Variants in DMD observed in about 807,000 individuals in gnomAD.
DMD encodes the protein mutant dystrophin.
Under a neutral mutation model 330.1 loss-of-function variants are expected in DMD, and 63 were observed. The ratio of observed to expected loss-of-function variants is 0.19; its 90% CI spans 0.16 to 0.24. The LOEUF (loss-of-function observed/expected upper bound fraction) is 0.24. Ranked by LOEUF, DMD falls within the 10% of genes least tolerant of loss-of-function variation. The probability of loss-of-function intolerance (pLI) is 1.00; values close to 1 mark genes in which losing one functional copy is unlikely to be tolerated. For synonymous variants in DMD, 1,223 were observed against 959.8 expected (o/e 1.27, Z -5.07); for missense variants, 3,344 against 2,684.1 (o/e 1.25, Z -5.43).
chrX:32,526,847 G>C (rs2148855939), intron 17 of DMD, among the ~76,000 whole-genome samples: 1 of 112,008 alleles, frequency 8.9e-6, no homozygotes, highest in Non-Finnish European at 1.9e-5. Context: ...GATGGGCACT[G>C]TGTTCTGTTA....
intron 42 of DMD, among the ~76,000 whole-genome samples, chrX:32,302,343 T>C (rs1040480564): frequency 9.0e-6 from 1 of 111,237 alleles, no homozygotes; most frequent in Non-Finnish European, 1.9e-5. Flanking sequence ...ATTGAATGCA[T>C]TTCCGCATAC....
At chrX:32,424,360 C>T (rs2098202853) in intron 29 of DMD, among the ~76,000 whole-genome samples, 1 of 111,217 alleles carries the variant, frequency 9.0e-6, no homozygotes, top group Non-Finnish European at 1.9e-5. Context: ...ATTATTAACA[C>T]ACTAAGAATA....
intron 55 of DMD, among the ~76,000 whole-genome samples, chrX:31,583,112 C>G (rs1272191387): frequency 8.9e-6 from 1 of 112,405 alleles, no homozygotes; most frequent in Non-Finnish European, 1.9e-5. Flanking sequence ...TCAGTACACC[C>G]TACCTGTGCT....
chrX:32,618,365 C>T (rs1015640779), intron 11 of DMD, among the ~76,000 whole-genome samples: 12 of 111,433 alleles, frequency 1.1e-4, no homozygotes, highest in East Asian at 2.8e-4. Flanking sequence ...TTTGCAGAAA[C>T]GTAGATGAAG....
intron 1 of DMD, among the ~76,000 whole-genome samples, chrX:33,178,501 T>C (rs747991808): frequency 8.9e-6 from 1 of 112,349 alleles, no homozygotes; most frequent in African/African-American, 3.2e-5. Context: ...TCCTACCTGA[T>C]GCACTCATTT....
chrX:32,093,257 CT>C (rs1266920893), intron 44 of DMD, among the ~76,000 whole-genome samples: 2 of 112,050 alleles, frequency 1.8e-5, no homozygotes, highest in East Asian at 5.6e-4. Context: ...AATTCATCCA[CT>C]GATGGACGTT....
intron 7 of DMD, among the ~76,000 whole-genome samples, chrX:32,744,150 T>G (rs1292535436): frequency 9.0e-6 from 1 of 110,599 alleles, no homozygotes; most frequent in African/African-American, 3.3e-5. Context: ...TATTTCTGAA[T>G]CATTTCTGCA....
At chrX:32,732,770 C>A (rs746250517) in intron 7 of DMD, among the ~76,000 whole-genome samples, 1 of 110,171 alleles carries the variant, frequency 9.1e-6, no homozygotes, top group Non-Finnish European at 1.9e-5. Context: ...AAGCGCTAAA[C>A]ATGGAAAGGA....
At chrX:32,463,293 A>C in intron 25 of DMD, 146 bp downstream of exon 25, 1 of 444,404 alleles carries the variant, frequency 2.3e-6, no homozygotes, top group Non-Finnish European at 3.6e-6. Flanking sequence ...ATATGCTAGA[A>C]AAAAGATTAA....
At chrX:32,252,765 T>TATATAAATATATATAA (rs1557243501) in intron 43 of DMD, among the ~76,000 whole-genome samples, 1 of 38,845 alleles carries the variant, frequency 2.6e-5, no homozygotes, top group African/African-American at 1.9e-4. Context: ...AATATATAAA[T>TATATAAATATATATAA]ATATATAAAT....
intron 1 of DMD, among the ~76,000 whole-genome samples, chrX:33,163,065 G>A (rs1448977701): frequency 1.8e-5 from 2 of 111,463 alleles, no homozygotes; most frequent in East Asian, 5.6e-4. Context: ...CTGCTATCCT[G>A]CCATGGCTTC....
At chrX:33,163,499 G>T (rs1287577293) in intron 1 of DMD, among the ~76,000 whole-genome samples, 3 of 107,405 alleles carry the variant, frequency 2.8e-5, no homozygotes, top group Admixed American at 1.0e-4. Flanking sequence ...TCGTGCCACG[G>T]CACTCCAGCC....
At chrX:32,206,073 G>C (rs1444689278) in intron 44 of DMD, 3 of 516,285 alleles carry the variant, frequency 5.8e-6, no homozygotes, top group African/African-American at 4.6e-5. Context: ...TGTTGAAGCA[G>C]AGGCAATGAG....
intron 1 of DMD, among the ~76,000 whole-genome samples, chrX:33,319,210 G>A (rs1036529328): frequency 9.0e-5 from 10 of 110,804 alleles, no homozygotes; most frequent in Admixed American, 3.9e-4. Flanking sequence ...TTGTTTCTAC[G>A]CCACCCAGTT....
chrX:31,832,053 T>C (rs1266736183), intron 49 of DMD, among the ~76,000 whole-genome samples: 2 of 112,657 alleles, frequency 1.8e-5, no homozygotes, highest in Admixed American at 1.9e-4. Context: ...AATGAGTCAG[T>C]CAAAATAGAC....
Position 33,321,392 on chromosome X carries a change from T to A in DMD, c.7+17867A>T, listed in dbSNP as rs77393779. 5.9e-3 allele frequency among the ~76,000 whole-genome samples: 653 copies of A among 110,314 alleles called. 2 individuals carry two copies. Among genetic ancestry groups the A allele is most frequent in the Non-Finnish European group, 9.0e-3 (477 of 52,894 alleles). On this transcript the variant is annotated intron_variant, in intron 1 of 17. Coordinates refer to the DMD transcript ENST00000288447. ...GTACATCTCCAAATGAGCTCTTGGA[T>A]GACCAGCTACATTATTAATGAGCAG... is the stretch of plus-strand genomic sequence containing the variant.
At chrX:31,546,981 T>C (rs1053943618) in intron 55 of DMD, among the ~76,000 whole-genome samples, 1 of 112,493 alleles carries the variant, frequency 8.9e-6, no homozygotes, top group Non-Finnish European at 1.9e-5. Context: ...AAGCGATAAC[T>C]CAAATTTCCA....
At chrX:32,815,660 T>G (rs1246397288) in intron 6 of DMD, among the ~76,000 whole-genome samples, 3 of 108,779 alleles carry the variant, frequency 2.8e-5, no homozygotes, top group Non-Finnish European at 5.7e-5. Context: ...TTTCTTGAAC[T>G]GTTATTAATT....
chrX:32,635,029 T>C (rs982872346), intron 11 of DMD, among the ~76,000 whole-genome samples: 2 of 112,071 alleles, frequency 1.8e-5, no homozygotes, highest in Non-Finnish European at 3.8e-5. Flanking sequence ...AACACTGGGA[T>C]GGATGATTCT....
Sources: gnomAD v4.1 joint callset for allele counts (sites outside exome capture counted in the v4.1 genomes callset) on GRCh38, gnomAD v4.1.1 for gene constraint, MANE v1.5 for transcripts, NCBI Gene and HGNC (gene_info 2026-07-23, HGNC 2026-07-21) for gene names.